TMEM108: variants seen among roughly 807,000 people sequenced by gnomAD.
TMEM108 encodes the protein cancer/testis antigen 124.
TMEM108 carries 12 observed loss-of-function variants against 35.1 expected under a neutral mutation model. That is an observed-to-expected ratio of 0.34 (90% confidence interval 0.22 to 0.55). The LOEUF (loss-of-function observed/expected upper bound fraction) is 0.55. TMEM108 is among the 20% of genes least tolerant of loss of function. The pLI, the probability that TMEM108 is intolerant of heterozygous loss-of-function variation, is 0.89. For synonymous variants in TMEM108, 287 were observed against 308.6 expected, an observed-to-expected ratio of 0.93 and a Z score of 0.73; for missense variants, 680 against 753.3, an observed-to-expected ratio of 0.90 and a Z score of 1.14.
At chr3:133,129,440 T>G (rs1944461220) in intron 2 of TMEM108, among the ~76,000 whole-genome samples, 1 of 148,456 alleles carries the variant, frequency 6.7e-6, no homozygotes, top group South Asian at 2.1e-4. Flanking sequence ...GTAGCTGGGA[T>G]GCAGAGTTAA....
At chr3:133,225,459 G>C (rs372993847) in intron 2 of TMEM108, among the ~76,000 whole-genome samples, 4 of 152,136 alleles carry the variant, frequency 2.6e-5, no homozygotes, top group East Asian at 1.9e-4. Flanking sequence ...TTGAGCTGTT[G>C]TACCCCCCTC....
At chr3:133,150,093 A>G (rs145723766) in intron 2 of TMEM108, among the ~76,000 whole-genome samples, 1 of 152,168 alleles carries the variant, frequency 6.6e-6, no homozygotes, top group East Asian at 1.9e-4. Flanking sequence ...ATACCAATTT[A>G]CAATCCCAGC....
intron 2 of TMEM108, among the ~76,000 whole-genome samples, chr3:133,096,362 T>C (rs1944015056): frequency 6.6e-6 from 1 of 152,170 alleles, no homozygotes; most frequent in Admixed American, 6.5e-5. Context: ...GGTCTTGCCA[T>C]GTTGCCCAGG....
At chr3:133,169,955 C>T (rs757571769) in intron 2 of TMEM108, among the ~76,000 whole-genome samples, 1 of 152,142 alleles carries the variant, frequency 6.6e-6, no homozygotes, top group Non-Finnish European at 1.5e-5. Context: ...CAGATACTAT[C>T]ATTTTTATTT....
At chr3:133,230,027 A>C (rs1452694000) in intron 3 of TMEM108, among the ~76,000 whole-genome samples, 1 of 152,244 alleles carries the variant, frequency 6.6e-6, no homozygotes, top group East Asian at 1.9e-4. Flanking sequence ...TAAAAGCCAA[A>C]ACCAATTGGT....
chr3:133,176,912 C>G (rs1295614970), intron 2 of TMEM108, among the ~76,000 whole-genome samples: 1 of 152,010 alleles, frequency 6.6e-6, no homozygotes. Flanking sequence ...AATTGATAGA[C>G]CGCTAGCAAG....
At chr3:133,151,352 A>G (rs1277072428) in intron 2 of TMEM108, among the ~76,000 whole-genome samples, 3 of 152,198 alleles carry the variant, frequency 2.0e-5, no homozygotes, top group Admixed American at 6.5e-5. Flanking sequence ...GGACAAAGTA[A>G]TGAATGAATG....
intron 3 of TMEM108, among the ~76,000 whole-genome samples, chr3:133,292,324 A>C (rs978050544): frequency 3.3e-5 from 5 of 152,200 alleles, no homozygotes; most frequent in Non-Finnish European, 7.3e-5. Context: ...AGATTTCTTC[A>C]AATAAAGGTT....
chr3:133,272,273 G>A (rs72978103), intron 3 of TMEM108, among the ~76,000 whole-genome samples: 6 of 15,446 alleles, frequency 3.9e-4, no homozygotes, highest in African/African-American at 3.0e-3. Context: ...ATACACGTAC[G>A]TGTGTGTGTG....
chr3:133,175,245 A>G (rs530107005), intron 2 of TMEM108, among the ~76,000 whole-genome samples: 2 of 152,324 alleles, frequency 1.3e-5, no homozygotes, highest in African/African-American at 4.8e-5. Context: ...AAGTTGGAAA[A>G]CACTCTGCAG....
intron 2 of TMEM108, among the ~76,000 whole-genome samples, chr3:133,162,730 C>G (rs1364928277): frequency 1.3e-5 from 2 of 152,238 alleles, no homozygotes; most frequent in Admixed American, 1.3e-4. Flanking sequence ...TACACTGCTT[C>G]AACCTGCTGG....
intron 2 of TMEM108, among the ~76,000 whole-genome samples, chr3:133,051,534 G>A (rs762567227): frequency 6.6e-6 from 1 of 152,088 alleles, no homozygotes; most frequent in Non-Finnish European, 1.5e-5. Flanking sequence ...CAGCTTATAA[G>A]TTCTTTCTTT....
chr3:133,196,420 A>G (rs1357544275), intron 2 of TMEM108, among the ~76,000 whole-genome samples: 1 of 152,190 alleles, frequency 6.6e-6, no homozygotes, highest in Non-Finnish European at 1.5e-5. Context: ...AACAAGTACA[A>G]TATTTCTTTC....
chr3:133,270,093 A>C (rs568491866), intron 3 of TMEM108, among the ~76,000 whole-genome samples: 1 of 152,200 alleles, frequency 6.6e-6, no homozygotes, highest in African/African-American at 2.4e-5. Context: ...GGTTTGCCTT[A>C]GAAAACATTC....
intron 1 of TMEM108, among the ~76,000 whole-genome samples, chr3:133,045,410 TCTTTCTTCATGA>T (rs1943323666): frequency 6.6e-6 from 1 of 152,224 alleles, no homozygotes; most frequent in African/African-American, 2.4e-5. Context: ...CTTAATGCTG[TCTTTCTTCATGA>T]TTGGGCTGAA....
intron 2 of TMEM108, among the ~76,000 whole-genome samples, chr3:133,091,407 A>T (rs983478696): frequency 6.6e-6 from 1 of 152,208 alleles, no homozygotes; most frequent in African/African-American, 2.4e-5. Flanking sequence ...CTTGTTGACT[A>T]GATCAGTGGC....
intron 3 of TMEM108, among the ~76,000 whole-genome samples, chr3:133,358,575 C>G (rs912781719): frequency 6.6e-6 from 1 of 152,128 alleles, no homozygotes; most frequent in Non-Finnish European, 1.5e-5. Flanking sequence ...ATGCCTTCGT[C>G]CAGTGCTCCA....
chr3:133,340,608 C>CAA (rs199764529), intron 3 of TMEM108, among the ~76,000 whole-genome samples: 9 of 147,538 alleles, frequency 6.1e-5, no homozygotes, highest in African/African-American at 2.2e-4. Flanking sequence ...AGAGACACAT[C>CAA]AAAAAAAAAC....
At chr3:133,063,707 G>T (rs1028866346) in intron 2 of TMEM108, among the ~76,000 whole-genome samples, 3 of 152,098 alleles carry the variant, frequency 2.0e-5, no homozygotes, top group Admixed American at 2.0e-4. Flanking sequence ...TATTCCCAAG[G>T]CTATTGATTT....
Sources: gnomAD v4.1 joint callset for allele counts (sites outside exome capture counted in the v4.1 genomes callset) on GRCh38, gnomAD v4.1.1 for gene constraint, MANE v1.5 for transcripts, NCBI Gene and HGNC (gene_info 2026-07-23, HGNC 2026-07-21) for gene names.